LRRC4C: variants seen among roughly 807,000 people sequenced by gnomAD.
LRRC4C encodes the protein leucine-rich repeat-containing protein 4C.
In LRRC4C, 5 loss-of-function variants were observed where a neutral mutation model predicts 33.6. That is an observed-to-expected ratio of 0.15 (90% CI 0.08 to 0.31). The LOEUF (loss-of-function observed/expected upper bound fraction) is 0.31, where lower values mean the gene tolerates loss of function less well. LRRC4C is among the 10% of genes least tolerant of loss of function. The pLI, the probability that LRRC4C is intolerant of heterozygous loss-of-function variation, is 1.00. For synonymous variants in LRRC4C, 329 were observed against 302.0 expected (o/e 1.09, Z -0.93); for missense variants, 560 against 796.7 (o/e 0.70, Z 3.58).
At chr11:41,403,284 G>A (rs748294681) in intron 1 of LRRC4C, among the ~76,000 whole-genome samples, 16 of 152,064 alleles carry the variant, frequency 1.1e-4, no homozygotes, top group Non-Finnish European at 1.9e-4. Context: ...TTAAAACACT[G>A]CACCTCAGCT....
intron 1 of LRRC4C, among the ~76,000 whole-genome samples, chr11:41,255,151 T>G (rs1222408183): frequency 6.6e-6 from 1 of 151,978 alleles, no homozygotes; most frequent in Admixed American, 6.6e-5. Flanking sequence ...CCTGCCAGTG[T>G]TCCAATGAAC....
At chr11:40,133,429 G>C (rs57889817) in intron 6 of LRRC4C, among the ~76,000 whole-genome samples, 1,750 of 152,226 alleles carry the variant, frequency 0.011, 32 homozygotes, top group African/African-American at 0.04. Context: ...TAATTTCCTA[G>C]AGAGTAACCA....
intron 3 of LRRC4C, among the ~76,000 whole-genome samples, chr11:40,358,505 C>A (rs35263766): frequency 0.14 from 20,604 of 151,916 alleles, 1,829 homozygotes; most frequent in East Asian, 0.29. Context: ...GGTCTTGAAC[C>A]CTTGGGCTCA....
intron 3 of LRRC4C, among the ~76,000 whole-genome samples, chr11:40,367,871 T>C (rs962422523): frequency 7.2e-5 from 11 of 152,124 alleles, no homozygotes; most frequent in Non-Finnish European, 1.5e-5. Context: ...GCTATAAGCT[T>C]TCTAAAGGCA....
At chr11:41,355,143 C>T (rs1433912046) in intron 1 of LRRC4C, among the ~76,000 whole-genome samples, 1 of 151,814 alleles carries the variant, frequency 6.6e-6, no homozygotes, top group Non-Finnish European at 1.5e-5. Context: ...CAAATAGCTC[C>T]ATTTAAAAAT....
At chr11:41,418,784 T>C (rs1262377037) in intron 1 of LRRC4C, among the ~76,000 whole-genome samples, 3 of 151,988 alleles carry the variant, frequency 2.0e-5, no homozygotes, top group African/African-American at 4.8e-5. Context: ...GGACAATGAA[T>C]TGTATTGATT....
chr11:40,478,025 T>G (rs1229355041), intron 3 of LRRC4C, among the ~76,000 whole-genome samples: 1 of 152,186 alleles, frequency 6.6e-6, no homozygotes, highest in East Asian at 1.9e-4. Flanking sequence ...CCTGCTGTCA[T>G]CCACGTAAGA....
chr11:41,192,655 A>G (rs186107028), intron 1 of LRRC4C, among the ~76,000 whole-genome samples: 1 of 152,192 alleles, frequency 6.6e-6, no homozygotes, highest in African/African-American at 2.4e-5. Flanking sequence ...CTTGTCTTAA[A>G]AATGCAGCTT....
In LRRC4C at chr11:40,350,269, T is replaced by G. The variant is rs554463923; in HGVS notation, c.-269-30548A>C. ...AATCCATTCTGATCTGATTTTTGCA[T>G]GTGCTGAGATATAGGGGTCTAGATT... On this transcript the variant is annotated intron_variant, in intron 3 of 6. Transcript: ENST00000528697. Among the ~76,000 whole-genome samples the G allele has an allele frequency of 6.6e-5, 10 of 152,256 alleles. No individual in the cohort carries two copies. The Middle Eastern group carries it at 0.01, about 155-fold the overall frequency.
chr11:40,908,833 A>ATGAC, intron 2 of LRRC4C, among the ~76,000 whole-genome samples: 1 of 152,182 alleles, frequency 6.6e-6, no homozygotes, highest in Admixed American at 6.5e-5. Context: ...TAAACTCTGC[A>ATGAC]ATCTGACAAT....
At chr11:41,082,386 T>C (rs1461716325) in intron 1 of LRRC4C, among the ~76,000 whole-genome samples, 1 of 150,434 alleles carries the variant, frequency 6.6e-6, no homozygotes, top group Non-Finnish European at 1.5e-5. Flanking sequence ...ATATTAGAGA[T>C]AGCAGTGACT....
intron 3 of LRRC4C, among the ~76,000 whole-genome samples, chr11:40,590,627 T>C (rs1268752958): frequency 2.0e-5 from 3 of 151,486 alleles, no homozygotes; most frequent in Non-Finnish European, 4.4e-5. Context: ...TTTTGGTCTT[T>C]GATGATGGTG....
intron 5 of LRRC4C, among the ~76,000 whole-genome samples, chr11:40,236,552 A>T (rs1865572544): frequency 1.3e-5 from 2 of 152,166 alleles, no homozygotes; most frequent in African/African-American, 4.8e-5. Context: ...GTGGGGCCAG[A>T]TGACTTGTTT....
chr11:40,464,046 C>G (rs1952536422), intron 3 of LRRC4C, among the ~76,000 whole-genome samples: 1 of 151,936 alleles, frequency 6.6e-6, no homozygotes, highest in African/African-American at 2.4e-5. Flanking sequence ...AGTAAAACTA[C>G]AGACCGACAC....
intron 2 of LRRC4C, among the ~76,000 whole-genome samples, chr11:40,664,398 A>G (rs961086913): frequency 1.3e-5 from 2 of 152,048 alleles, no homozygotes; most frequent in African/African-American, 4.8e-5. Flanking sequence ...TACAAAAATT[A>G]GATTGGCGTG....
At position 40,589,253 on chromosome 11, in the gene LRRC4C, A is replaced by T. The variant is rs558690354; in HGVS notation, c.-270+58889T>A. 2.6e-5 allele frequency among the ~76,000 whole-genome samples: 4 copies of T among 151,966 alleles called. No homozygotes were observed. The South Asian group carries it at 8.3e-4, about 32-fold the overall frequency. On this transcript the variant is annotated intron_variant, in intron 3 of 6. Coordinates refer to ENST00000528697, the MANE Select transcript of LRRC4C (RefSeq NM_001258419.2). ...GTAATGGTCTTCTTTGTCTCTTTTG[A>T]TCTTTGTTGGTTTAAAGTCTGTTTT...
intron 1 of LRRC4C, among the ~76,000 whole-genome samples, chr11:41,144,359 G>A (rs999643879): frequency 6.6e-6 from 1 of 152,164 alleles, no homozygotes; most frequent in South Asian, 2.1e-4. Context: ...AATAAAGCAC[G>A]ATGGAAAATA....
intron 3 of LRRC4C, among the ~76,000 whole-genome samples, chr11:40,367,385 T>G (rs1565319249): frequency 6.6e-6 from 1 of 152,074 alleles, no homozygotes; most frequent in Non-Finnish European, 1.5e-5. Flanking sequence ...GTTAATCCAC[T>G]TACAGATTAC....
intron 2 of LRRC4C, among the ~76,000 whole-genome samples, chr11:40,664,263 G>C (rs1591405647): frequency 6.6e-6 from 1 of 152,118 alleles, no homozygotes; most frequent in African/African-American, 2.4e-5. Flanking sequence ...AGAGAATGTG[G>C]GCTGGACATG....
Sources: allele counts gnomAD v4.1 joint callset (sites outside exome capture counted in the v4.1 genomes callset), GRCh38; gene constraint gnomAD v4.1.1; transcripts MANE v1.5; gene names NCBI Gene and HGNC (gene_info 2026-07-23, HGNC 2026-07-21).